The following TASP1 variants were observed in gnomAD, a reference collection of about 807,000 sequenced individuals.
The protein encoded by TASP1 is threonine aspartase 1.
Under a neutral mutation model 56.6 loss-of-function variants are expected in TASP1, and 16 were observed. The observed-to-expected ratio is 0.28, with a 90% CI of 0.19 to 0.43. TASP1 has a LOEUF of 0.43. Among genes scored for constraint, TASP1 ranks in the 20% least tolerant of loss-of-function variants. TASP1 has a pLI of 1.00. For missense variants in TASP1, 393 were observed against 511.6 expected, an observed-to-expected ratio of 0.77 and a Z score of 2.24; for synonymous variants, 179 against 184.2, an observed-to-expected ratio of 0.97 and a Z score of 0.23.
the TASP1 span, chr20:13,117,635 C>T: frequency 1.9e-6 from 3 of 1,614,078 alleles, no homozygotes; most frequent in South Asian, 3.3e-5. Context: ...TCACGGAGTT[C>T]TTTGGACTAG....
the TASP1 span, among the ~76,000 whole-genome samples, chr20:13,332,964 C>G: frequency 1.3e-5 from 2 of 152,238 alleles, no homozygotes; most frequent in Admixed American, 6.5e-5. Flanking sequence ...CATGGGCCAT[C>G]ATAACACTAT....
chr20:13,254,511 G>A, the TASP1 span, among the ~76,000 whole-genome samples: 190 of 152,262 alleles, frequency 1.2e-3, no homozygotes, highest in East Asian at 0.011. Context: ...CTAAACCCCT[G>A]CTGCTCTCTG....
chr20:13,492,528 A>C (rs1437801545), intron 10 of TASP1, among the ~76,000 whole-genome samples: 2 of 152,212 alleles, frequency 1.3e-5, no homozygotes, highest in African/African-American at 4.8e-5. Context: ...ACATGATTTC[A>C]GTCTTCACAG....
At position 13,390,222 on chromosome 20, in the gene TASP1, A is replaced by G. The variant is rs765384208; in HGVS notation, c.*138T>C. On this transcript the variant is annotated 3_prime_UTR_variant, in exon 14 of 14. Coordinates refer to ENST00000337743, the MANE Select transcript of TASP1 (RefSeq NM_017714.3). ...GTCACTAAGCGCTAACTACAGCAGCACTTGTGTCTCGAGCAGTGCACGAGG... is the reference window on the plus strand; with the variant it reads ...GTCACTAAGCGCTAACTACAGCAGCGCTTGTGTCTCGAGCAGTGCACGAGG... 2.7e-6 allele frequency: 2 copies of G among 730,346 alleles called. No homozygotes were observed. Among genetic ancestry groups the G allele is most frequent in the Non-Finnish European group, 4.5e-6 (2 of 443,926 alleles). 45.2% of individuals were successfully genotyped at this position (730,346 alleles called of 1,614,324 possible). A position where few individuals can be genotyped will look rare whatever the true frequency, so the allele number is the denominator to read the frequency against.
chr20:13,431,840 A>G (rs6105095), intron 12 of TASP1, among the ~76,000 whole-genome samples: 8,951 of 152,184 alleles, frequency 0.059, 408 homozygotes, highest in African/African-American at 0.13. Context: ...GAAGATGAAG[A>G]GAGACCTGAG....
intron 4 of TASP1, among the ~76,000 whole-genome samples, chr20:13,596,831 TA>T (rs1321481943): frequency 2.0e-5 from 3 of 151,864 alleles, no homozygotes; most frequent in Non-Finnish European, 4.4e-5. Flanking sequence ...ATAGATGCAA[TA>T]AAAAATGATA....
chr20:13,351,413 T>C, the TASP1 span, among the ~76,000 whole-genome samples: 9 of 152,206 alleles, frequency 5.9e-5, no homozygotes, highest in Non-Finnish European at 8.8e-5. Context: ...ATTTCCAAAA[T>C]TGGGAAAAAC....
intron 13 of TASP1, chr20:13,393,490 T>A (rs1341659308): frequency 1.3e-5 from 10 of 782,320 alleles, no homozygotes; most frequent in Non-Finnish European, 2.0e-5. Context: ...CTCAAGGGCA[T>A]CCTGGACTAC....
the TASP1 span, among the ~76,000 whole-genome samples, chr20:13,201,228 GAAAGGCAAGAGTA>G: frequency 6.6e-6 from 1 of 152,214 alleles, no homozygotes; most frequent in South Asian, 2.1e-4. Flanking sequence ...TGGGATTGGA[GAAAGGCAAGAGTA>G]AAATTAAGAA....
At chr20:13,556,721 T>A (rs1156918273) in intron 8 of TASP1, among the ~76,000 whole-genome samples, 2 of 152,148 alleles carry the variant, frequency 1.3e-5, no homozygotes, top group Non-Finnish European at 2.9e-5. Flanking sequence ...ATGCAGCTCA[T>A]TCTGCCTGGA....
At chr20:13,573,691 T>C (rs1314094410) in intron 6 of TASP1, among the ~76,000 whole-genome samples, 1 of 152,058 alleles carries the variant, frequency 6.6e-6, no homozygotes, top group African/African-American at 2.4e-5. Context: ...CTGGACAAGA[T>C]GGAGTAACAG....
the TASP1 span, among the ~76,000 whole-genome samples, chr20:13,369,717 G>A: frequency 6.6e-6 from 1 of 152,212 alleles, no homozygotes; most frequent in South Asian, 2.1e-4. Context: ...CCAAAAGGAA[G>A]TGCAATGCAA....
chr20:13,462,925 T>C (rs2044110023), intron 11 of TASP1, among the ~76,000 whole-genome samples: 1 of 152,118 alleles, frequency 6.6e-6, no homozygotes, highest in African/African-American at 2.4e-5. Flanking sequence ...CAATTAATAT[T>C]GTTAAGATGT....
the TASP1 span, among the ~76,000 whole-genome samples, chr20:13,250,116 G>T: frequency 6.6e-6 from 1 of 152,182 alleles, no homozygotes; most frequent in Admixed American, 6.5e-5. Flanking sequence ...TCTGGAGATG[G>T]AAAACTGCTG....
chr20:13,596,111 G>A (rs112305569), intron 4 of TASP1, among the ~76,000 whole-genome samples: 13 of 152,222 alleles, frequency 8.5e-5, no homozygotes, highest in African/African-American at 2.9e-4. Context: ...AGTCGCTCAC[G>A]CCTGTAATCC....
the TASP1 span, among the ~76,000 whole-genome samples, chr20:13,253,301 G>C: frequency 6.6e-6 from 1 of 152,108 alleles, no homozygotes; most frequent in African/African-American, 2.4e-5. Context: ...GAGGAGCTCT[G>C]CCTTCCCTCA....
intron 10 of TASP1, among the ~76,000 whole-genome samples, chr20:13,524,150 CTT>C (rs879880860): frequency 1.4e-5 from 2 of 144,714 alleles, no homozygotes; most frequent in Admixed American, 6.9e-5. Context: ...GAGACTTTGT[CTT>C]TTTTTTTTTT....
At chr20:13,460,571 T>G (rs1362790964) in intron 11 of TASP1, among the ~76,000 whole-genome samples, 1 of 152,146 alleles carries the variant, frequency 6.6e-6, no homozygotes, top group Non-Finnish European at 1.5e-5. Context: ...TATAAGCATC[T>G]TTTGAAACTG....
the TASP1 span, among the ~76,000 whole-genome samples, chr20:13,160,846 G>A: frequency 2.0e-5 from 3 of 152,194 alleles, no homozygotes; most frequent in African/African-American, 7.2e-5. Flanking sequence ...AAAACTGTGG[G>A]ATCATGAAGG....
Sources: gnomAD v4.1 joint callset for allele counts (sites outside exome capture counted in the v4.1 genomes callset) on GRCh38, gnomAD v4.1.1 for gene constraint, MANE v1.5 for transcripts, NCBI Gene and HGNC (gene_info 2026-07-23, HGNC 2026-07-21) for gene names.